Variants in C12orf42 observed in about 807,000 individuals in gnomAD.
The protein encoded by C12orf42 is uncharacterized protein C12orf42.
A neutral mutation model predicts 21.6 loss-of-function variants in C12orf42; 25 were observed. That is an observed-to-expected ratio of 1.16 (90% CI 0.84 to 1.62). The LOEUF is 1.62. C12orf42 is among the 40% of genes most tolerant of loss of function. The probability of loss-of-function intolerance (pLI) is 0.00; values close to 1 mark genes in which losing one functional copy is unlikely to be tolerated. For synonymous variants in C12orf42, 174 were observed against 175.0 expected, an observed-to-expected ratio of 0.99 and a Z score of 0.05; for missense variants, 483 against 459.3, an observed-to-expected ratio of 1.05 and a Z score of -0.47.
the C12orf42 span, among the ~76,000 whole-genome samples, chr12:103,161,889 A>C: frequency 1.3e-5 from 2 of 152,210 alleles, no homozygotes; most frequent in East Asian, 3.8e-4. Context: ...TTGATTTTTC[A>C]GAAGAAATTG....
At chr12:103,354,544 G>C (rs937940389) in intron 4 of C12orf42, among the ~76,000 whole-genome samples, 2 of 152,132 alleles carry the variant, frequency 1.3e-5, no homozygotes, top group Non-Finnish European at 2.9e-5. Context: ...ATTGTACACT[G>C]TAAGACTTTA....
the C12orf42 span, chr12:103,081,668 A>G: frequency 2.0e-5 from 3 of 152,152 alleles, no homozygotes; most frequent in Non-Finnish European, 2.9e-5. Context: ...TTTTCTCTCT[A>G]TTCCGAAGGC....
the C12orf42 span, among the ~76,000 whole-genome samples, chr12:103,550,914 G>T: frequency 3.3e-5 from 5 of 151,748 alleles, no homozygotes; most frequent in East Asian, 9.6e-4. Flanking sequence ...TTCAATTTTT[G>T]CCCTTAATTA....
At chr12:103,392,011 A>C (rs1467573002) in intron 3 of C12orf42, among the ~76,000 whole-genome samples, 1 of 152,172 alleles carries the variant, frequency 6.6e-6, no homozygotes, top group Non-Finnish European at 1.5e-5. Context: ...AATACAGTGT[A>C]AGGTGTGTGC....
the C12orf42 span, among the ~76,000 whole-genome samples, chr12:103,118,772 T>TAAAAAAA: frequency 4.8e-5 from 2 of 41,654 alleles, no homozygotes; most frequent in African/African-American, 9.2e-5. Flanking sequence ...CACTCCAGCC[T>TAAAAAAA]AAAAAAAAAA....
intron 3 of C12orf42, among the ~76,000 whole-genome samples, chr12:103,384,416 T>C (rs2046439077): frequency 6.6e-6 from 1 of 152,162 alleles, no homozygotes; most frequent in Non-Finnish European, 1.5e-5. Flanking sequence ...AAGCGGTGGG[T>C]GAACTAATCT....
chr12:103,112,504 C>G, the C12orf42 span, among the ~76,000 whole-genome samples: 1 of 151,752 alleles, frequency 6.6e-6, no homozygotes, highest in Non-Finnish European at 1.5e-5. Context: ...TACTAAAATA[C>G]AAAAAAATTA....
chr12:103,101,181 C>A, the C12orf42 span, among the ~76,000 whole-genome samples: 1 of 152,210 alleles, frequency 6.6e-6, no homozygotes, highest in African/African-American at 2.4e-5. Flanking sequence ...GCTGATCTCT[C>A]TCTTTTGAGT....
At chr12:103,342,348 T>C (rs2042238159) in intron 4 of C12orf42, among the ~76,000 whole-genome samples, 1 of 152,196 alleles carries the variant, frequency 6.6e-6, no homozygotes, top group Non-Finnish European at 1.5e-5. Flanking sequence ...TTACGATACC[T>C]AAACGAGGAT....
intron 2 of C12orf42, among the ~76,000 whole-genome samples, chr12:103,453,367 T>C (rs1321792354): frequency 1.3e-5 from 2 of 151,992 alleles, no homozygotes; most frequent in African/African-American, 2.4e-5. Context: ...TACATCTTTG[T>C]CATACTCATC....
chr12:103,245,674 T>G (rs2033975232), intron 10 of C12orf42, among the ~76,000 whole-genome samples: 1 of 152,128 alleles, frequency 6.6e-6, no homozygotes, highest in Non-Finnish European at 1.5e-5. Flanking sequence ...CAAAAAATTC[T>G]TAATTTGTTC....
chr12:103,141,010 A>G, the C12orf42 span, among the ~76,000 whole-genome samples: 1 of 152,224 alleles, frequency 6.6e-6, no homozygotes, highest in African/African-American at 2.4e-5. Flanking sequence ...TGCCTTAACC[A>G]TCTTCCAAGT....
At chr12:103,546,631 G>T in the C12orf42 span, among the ~76,000 whole-genome samples, 3 of 152,170 alleles carry the variant, frequency 2.0e-5, no homozygotes, top group Non-Finnish European at 4.4e-5. Flanking sequence ...GAAAAAAAAT[G>T]AAAGACGTTG....
chr12:103,441,707 G>A (rs1488618655), intron 2 of C12orf42: 1 of 152,096 alleles, frequency 6.6e-6, no homozygotes, highest in African/African-American at 2.4e-5. Context: ...TCTCTCTCAG[G>A]TCTGGCATCA....
chr12:103,082,289 T>C, the C12orf42 span, among the ~76,000 whole-genome samples: 1 of 152,356 alleles, frequency 6.6e-6, no homozygotes, highest in South Asian at 2.1e-4. Context: ...AAATTGTTAA[T>C]TATACCAGAG....
chr12:103,492,939 C>T (rs1273018278), intron 1 of C12orf42, among the ~76,000 whole-genome samples: 1 of 152,228 alleles, frequency 6.6e-6, no homozygotes, highest in African/African-American at 2.4e-5. Context: ...GCAATCTCAT[C>T]CATCAGCTCT....
chr12:103,258,348 A>G (rs1479635839), intron 10 of C12orf42, among the ~76,000 whole-genome samples: 2 of 152,136 alleles, frequency 1.3e-5, no homozygotes, highest in African/African-American at 2.4e-5. Flanking sequence ...AAAAATAGAT[A>G]TGTCAGCTAA....
the C12orf42 span, among the ~76,000 whole-genome samples, chr12:103,195,509 C>T: frequency 3.3e-5 from 5 of 152,044 alleles, no homozygotes; most frequent in Non-Finnish European, 7.4e-5. Context: ...GATGCTATCT[C>T]ATTGTGATTT....
At chr12:103,048,685 A>G in the C12orf42 span, among the ~76,000 whole-genome samples, 2 of 152,326 alleles carry the variant, frequency 1.3e-5, no homozygotes, top group East Asian at 3.9e-4. Flanking sequence ...AGAAGAGCTT[A>G]GCCTTGACCT....
Sources: gnomAD v4.1 joint callset for allele counts (sites outside exome capture counted in the v4.1 genomes callset) on GRCh38, gnomAD v4.1.1 for gene constraint, MANE v1.5 for transcripts, NCBI Gene and HGNC (gene_info 2026-07-23, HGNC 2026-07-21) for gene names.